The following DCC variants were observed in gnomAD, a reference collection of about 807,000 sequenced individuals.
DCC encodes the protein DCC netrin 1 receptor, also known as netrin receptor DCC.
DCC carries 58 observed loss-of-function variants against 172.5 expected under a neutral mutation model. The ratio of observed to expected loss-of-function variants is 0.34; its 90% CI spans 0.27 to 0.42. DCC has a LOEUF of 0.42. DCC is among the 10% of genes least tolerant of loss of function. The pLI, the probability that DCC is intolerant of heterozygous loss-of-function variation, is 1.00. For synonymous variants in DCC, 709 were observed against 644.5 expected, an observed-to-expected ratio of 1.10 and a Z score of -1.52; for missense variants, 1,740 against 1,791.0, an observed-to-expected ratio of 0.97 and a Z score of 0.51.
chr18:52,888,676 A>G lies in DCC; in HGVS notation c.413-17368A>G, dbSNP rs145589157. ...CTTAATTATGTCAGTTATTTAACAT[A>G]AAATTACTTTTTAACAACAAAAAAC... On this transcript the variant is annotated intron_variant, in intron 2 of 28. Transcript: ENST00000442544. Among the ~76,000 whole-genome samples the G allele has an allele frequency of 4.6e-5, 7 of 152,128 alleles. No homozygotes were observed. The East Asian group carries it at 7.7e-4, about 17-fold the overall frequency.
intron 1 of DCC, among the ~76,000 whole-genome samples, chr18:52,417,289 C>G (rs371046730): frequency 2.0e-4 from 30 of 152,284 alleles, no homozygotes; most frequent in African/African-American, 7.2e-4. Context: ...ACCTTTCTCT[C>G]TGGCTGCCCT....
intron 1 of DCC, among the ~76,000 whole-genome samples, chr18:52,465,182 A>T (rs1295412826): frequency 6.6e-6 from 1 of 152,106 alleles, no homozygotes; most frequent in Non-Finnish European, 1.5e-5. Flanking sequence ...ACTTCATCCT[A>T]CAAATTAGGA....
chr18:53,318,063 T>C (rs1280873830), intron 13 of DCC, among the ~76,000 whole-genome samples: 1 of 152,180 alleles, frequency 6.6e-6, no homozygotes, highest in Non-Finnish European at 1.5e-5. Flanking sequence ...GTTCTTTTCA[T>C]TGTGATATTA....
intron 2 of DCC, among the ~76,000 whole-genome samples, chr18:52,895,185 G>T (rs776642546): frequency 6.6e-6 from 1 of 152,210 alleles, no homozygotes; most frequent in Non-Finnish European, 1.5e-5. Flanking sequence ...ATCCTGAATT[G>T]TGCATACTTC....
At chr18:52,596,320 T>TA (rs1293091890) in intron 1 of DCC, among the ~76,000 whole-genome samples, 1 of 152,218 alleles carries the variant, frequency 6.6e-6, no homozygotes, top group East Asian at 1.9e-4. Context: ...TGTGTATTGC[T>TA]ACTTCAAGTG....
At chr18:53,315,244 G>T (rs908622386) in intron 13 of DCC, among the ~76,000 whole-genome samples, 1 of 152,124 alleles carries the variant, frequency 6.6e-6, no homozygotes, top group Non-Finnish European at 1.5e-5. Context: ...TTAGTTCGCT[G>T]AAAATGATGG....
chr18:52,541,092 C>T (rs1190071396), intron 1 of DCC, among the ~76,000 whole-genome samples: 2 of 152,290 alleles, frequency 1.3e-5, no homozygotes, highest in African/African-American at 2.4e-5. Context: ...AAACAGGTGA[C>T]TGCCTCTACA....
At chr18:52,732,770 A>G (rs1292093349) in intron 1 of DCC, among the ~76,000 whole-genome samples, 1 of 152,196 alleles carries the variant, frequency 6.6e-6, no homozygotes, top group East Asian at 1.9e-4. Context: ...CCTCTCTAAA[A>G]ATCAACATAA....
In DCC at chr18:52,893,683, A is replaced by T. The variant is rs187315559; in HGVS notation, c.413-12361A>T. Among the ~76,000 whole-genome samples the T allele has an allele frequency of 2.6e-4, 39 of 152,312 alleles. No individual in the cohort carries two copies. The East Asian group carries it at 5.2e-3, about 20-fold the overall frequency. On this transcript the variant is annotated intron_variant, in intron 2 of 28. Coordinates refer to ENST00000442544, the MANE Select transcript of DCC (RefSeq NM_005215.4). ...GAATCATTTTCTGAACAGTAACAGG[A>T]CTTAACTATAACATAGCACAAGTTG...
intron 1 of DCC, among the ~76,000 whole-genome samples, chr18:52,508,501 C>G (rs1379165554): frequency 6.6e-6 from 1 of 152,124 alleles, no homozygotes; most frequent in Non-Finnish European, 1.5e-5. Flanking sequence ...AATTTTATCA[C>G]TGAGCCACAT....
At chr18:52,649,358 G>A (rs2035080988) in intron 1 of DCC, among the ~76,000 whole-genome samples, 2 of 130,282 alleles carry the variant, frequency 1.5e-5, no homozygotes, top group Admixed American at 1.7e-4. Flanking sequence ...GGGTGACAGA[G>A]TGAGATTCCG....
At chr18:53,459,012 G>A (rs776904090) in intron 23 of DCC, among the ~76,000 whole-genome samples, 21 of 152,294 alleles carry the variant, frequency 1.4e-4, no homozygotes, top group Middle Eastern at 3.4e-3. Flanking sequence ...GGAAGCCGAG[G>A]CCCTGGGGAT....
intron 5 of DCC, among the ~76,000 whole-genome samples, chr18:52,990,251 A>G (rs2041362937): frequency 6.6e-6 from 1 of 152,138 alleles, no homozygotes; most frequent in African/African-American, 2.4e-5. Flanking sequence ...TTAAAAAATA[A>G]GCAAAGCGGG....
chr18:52,795,662 T>C (rs1351791633), intron 2 of DCC, among the ~76,000 whole-genome samples: 1 of 151,996 alleles, frequency 6.6e-6, no homozygotes, highest in Non-Finnish European at 1.5e-5. Flanking sequence ...TTCTTATTTT[T>C]TCTAGTTCCT....
chr18:53,480,032 G>A (rs2045813110), intron 25 of DCC, among the ~76,000 whole-genome samples: 1 of 152,190 alleles, frequency 6.6e-6, no homozygotes, highest in Admixed American at 6.6e-5. Context: ...CCAGATCAGA[G>A]TCTATATCTT....
intron 1 of DCC, among the ~76,000 whole-genome samples, chr18:52,686,946 A>G (rs2145002760): frequency 6.6e-6 from 1 of 152,116 alleles, no homozygotes; most frequent in Middle Eastern, 3.4e-3. Flanking sequence ...CACCCAGAAC[A>G]CAGATCATCT....
Position 52,340,631 on chromosome 18 carries a change from G to A in DCC, c.-157G>A. 2 of 748,782 alleles carry A rather than the reference G, an allele frequency of 2.7e-6. No individual in the cohort carries two copies. Among genetic ancestry groups the A allele is most frequent in the Non-Finnish European group, 4.9e-6 (2 of 407,358 alleles). 46.4% of individuals were successfully genotyped at this position (748,782 alleles called of 1,614,324 possible). The stretch of plus-strand genomic sequence containing the variant: ...GGCTTCGAAGGCAGCAGAGGCGCAG[G>A]GGAGGTGGAGAAAGAGGTGGAGGAA... On this transcript the variant is annotated 5_prime_UTR_variant, in exon 1 of 29. Coordinates refer to ENST00000442544, the MANE Select transcript of DCC (RefSeq NM_005215.4).
chr18:52,914,571 AAG>A (rs945382786), intron 3 of DCC, among the ~76,000 whole-genome samples: 27 of 152,094 alleles, frequency 1.8e-4, no homozygotes, highest in African/African-American at 4.8e-4. Context: ...AGCCAGATGG[AAG>A]TTTTCATTTT....
chr18:52,413,384 A>G (rs543554839), intron 1 of DCC, among the ~76,000 whole-genome samples: 1 of 151,930 alleles, frequency 6.6e-6, no homozygotes, highest in African/African-American at 2.4e-5. Flanking sequence ...TAGTAAAAAT[A>G]GCATGTATAA....
Sources: allele counts gnomAD v4.1 joint callset (sites outside exome capture counted in the v4.1 genomes callset), GRCh38; gene constraint gnomAD v4.1.1; transcripts MANE v1.5; gene names NCBI Gene and HGNC (gene_info 2026-07-23, HGNC 2026-07-21).